Variants in STK32B observed in about 807,000 individuals in gnomAD.
STK32B encodes the protein serine/threonine kinase 32B.
In STK32B, 43 loss-of-function variants were observed where a neutral mutation model predicts 52.6. That is an observed-to-expected ratio of 0.82 (90% CI 0.64 to 1.05). STK32B has a LOEUF of 1.05. STK32B is among the 50% of genes least tolerant of loss of function. The pLI, the probability that STK32B is intolerant of heterozygous loss-of-function variation, is 0.00. For synonymous variants in STK32B, 238 were observed against 204.3 expected (o/e 1.17, Z -1.41); for missense variants, 621 against 534.6 (o/e 1.16, Z -1.59).
intron 4 of STK32B, among the ~76,000 whole-genome samples, chr4:5,358,007 A>G (rs1054489520): frequency 6.6e-6 from 1 of 152,206 alleles, no homozygotes; most frequent in African/African-American, 2.4e-5. Flanking sequence ...GAAAATTCCA[A>G]TTCAATTTAA....
rs73091536 is a variant in STK32B, at chr4:5,148,152, A to G, written c.108+8192A>G. Among the ~76,000 whole-genome samples, 1,418 of 151,826 alleles carry G rather than the reference A, an allele frequency of 9.3e-3. 25 individuals are homozygous for G. Among genetic ancestry groups the G allele is most frequent in the African/African-American group, 0.031 (1,282 of 41,498 alleles). On this transcript the variant is annotated intron_variant, in intron 2 of 11. Coordinates refer to ENST00000282908, the MANE Select transcript of STK32B (RefSeq NM_018401.3). ...GTTATATTTTTCAAGAAATTAATCAATTTTCTCTATGTTGGCAAATTTGTT... is the reference window on the plus strand; with the variant it reads ...GTTATATTTTTCAAGAAATTAATCAGTTTTCTCTATGTTGGCAAATTTGTT...
At chr4:5,440,012 T>C (rs1714558247) in intron 6 of STK32B, among the ~76,000 whole-genome samples, 1 of 152,218 alleles carries the variant, frequency 6.6e-6, no homozygotes, top group Admixed American at 6.5e-5. Context: ...TGTAGTCTTG[T>C]AGTATAGTTT....
intron 11 of STK32B, among the ~76,000 whole-genome samples, chr4:5,492,307 T>G (rs1023090868): frequency 2.0e-5 from 3 of 152,136 alleles, no homozygotes; most frequent in Non-Finnish European, 4.4e-5. Flanking sequence ...CCCTTGTAAG[T>G]TGGATTCCTA....
intron 1 of STK32B, among the ~76,000 whole-genome samples, chr4:5,053,511 G>A (rs1449442603): frequency 6.6e-6 from 1 of 152,142 alleles, no homozygotes; most frequent in Non-Finnish European, 1.5e-5. Flanking sequence ...ATTTACAGAG[G>A]AAATTTGCCA....
intron 5 of STK32B, among the ~76,000 whole-genome samples, chr4:5,408,324 G>C (rs886082106): frequency 2.6e-5 from 4 of 152,040 alleles, no homozygotes; most frequent in Non-Finnish European, 5.9e-5. Flanking sequence ...GAATGACTGA[G>C]TTCTTGTGAG....
chr4:5,381,854 A>G (rs1252239646), intron 4 of STK32B, among the ~76,000 whole-genome samples: 1 of 152,148 alleles, frequency 6.6e-6, no homozygotes, highest in Non-Finnish European at 1.5e-5. Context: ...GAGAAACAGA[A>G]CCAACAGGAT....
At chr4:5,284,188 T>C (rs1728397202) in intron 3 of STK32B, among the ~76,000 whole-genome samples, 1 of 152,162 alleles carries the variant, frequency 6.6e-6, no homozygotes, top group Non-Finnish European at 1.5e-5. Flanking sequence ...AAATATTTTA[T>C]GTAAGCCTCA....
intron 3 of STK32B, among the ~76,000 whole-genome samples, chr4:5,175,129 C>G (rs147356889): frequency 6.6e-6 from 1 of 152,096 alleles, no homozygotes; most frequent in African/African-American, 2.4e-5. Context: ...ACGTAGTTCT[C>G]GTGCCGTGGT....
chr4:5,170,462 C>T (rs916574137), intron 3 of STK32B, among the ~76,000 whole-genome samples: 6 of 151,954 alleles, frequency 3.9e-5, no homozygotes, highest in Admixed American at 3.3e-4. Flanking sequence ...CTCCCCCGTC[C>T]CCCCACCCCA....
At chr4:5,126,471 G>A (rs1040270194) in intron 1 of STK32B, among the ~76,000 whole-genome samples, 5 of 152,202 alleles carry the variant, frequency 3.3e-5, no homozygotes, top group African/African-American at 7.2e-5. Context: ...GGGTGTCTTC[G>A]CCAGGACAGC....
intron 4 of STK32B, among the ~76,000 whole-genome samples, chr4:5,342,665 A>G (rs1306078572): frequency 6.6e-6 from 1 of 152,180 alleles, no homozygotes; most frequent in African/African-American, 2.4e-5. Context: ...GAAATTACAT[A>G]TCAACATGGG....
chr4:5,316,299 A>G (rs1379800126), intron 3 of STK32B, among the ~76,000 whole-genome samples: 3 of 63,054 alleles, frequency 4.8e-5, no homozygotes, highest in Non-Finnish European at 7.3e-5. Flanking sequence ...AATATTATAT[A>G]TAATATATAT....
At chr4:5,148,622 A>G (rs144348083) in intron 2 of STK32B, among the ~76,000 whole-genome samples, 1 of 151,882 alleles carries the variant, frequency 6.6e-6, no homozygotes, top group Non-Finnish European at 1.5e-5. Flanking sequence ...CATTTGTATT[A>G]ATTGAGACTC....
At chr4:5,498,781 G>A (rs2108738898) in intron 11 of STK32B, among the ~76,000 whole-genome samples, 164 bp from the exon 12 acceptor site, 1 of 152,334 alleles carries the variant, frequency 6.6e-6, no homozygotes, top group South Asian at 2.1e-4. Context: ...GGCCCATCTG[G>A]CTACAGTGCA....
intron 5 of STK32B, among the ~76,000 whole-genome samples, chr4:5,407,612 G>A (rs1220840488): frequency 6.6e-6 from 1 of 152,094 alleles, no homozygotes. Context: ...GGAAGGTGAA[G>A]GGGAAGTAAG....
At chr4:5,155,392 G>C (rs529128533) in intron 2 of STK32B, among the ~76,000 whole-genome samples, 1 of 152,218 alleles carries the variant, frequency 6.6e-6, no homozygotes, top group African/African-American at 2.4e-5. Flanking sequence ...GTTTCCTCTT[G>C]TTCGCTGTTT....
chr4:5,156,708 C>A (rs1270424428), intron 2 of STK32B, among the ~76,000 whole-genome samples: 1 of 152,120 alleles, frequency 6.6e-6, no homozygotes, highest in Non-Finnish European at 1.5e-5. Flanking sequence ...GTGAAGTAAA[C>A]GTGGAGTTAA....
chr4:5,185,616 G>A (rs1320306035), intron 3 of STK32B, among the ~76,000 whole-genome samples: 1 of 152,188 alleles, frequency 6.6e-6, no homozygotes. Flanking sequence ...ATAAACAATT[G>A]CTAGATGCTG....
the STK32B span, among the ~76,000 whole-genome samples, chr4:5,027,888 G>A: frequency 6.6e-6 from 1 of 152,190 alleles, no homozygotes; most frequent in African/African-American, 2.4e-5. Flanking sequence ...AGCAGAGCTG[G>A]GAGATGGATG....
Sources: gnomAD v4.1 joint callset for allele counts (sites outside exome capture counted in the v4.1 genomes callset) on GRCh38, gnomAD v4.1.1 for gene constraint, MANE v1.5 for transcripts, NCBI Gene and HGNC (gene_info 2026-07-23, HGNC 2026-07-21) for gene names.